NCAM1: variants seen among roughly 807,000 people sequenced by gnomAD.
NCAM1 encodes the protein antigen recognized by monoclonal antibody 5.1H11.
In NCAM1, 14 loss-of-function variants were observed where a neutral mutation model predicts 109.8. The observed-to-expected ratio is 0.13, with a 90% CI of 0.08 to 0.20. NCAM1 has a LOEUF of 0.20. Among genes scored for constraint, NCAM1 ranks in the 10% least tolerant of loss-of-function variants. NCAM1 has a pLI of 1.00. For synonymous variants in NCAM1, 418 were observed against 442.9 expected (o/e 0.94, Z 0.70); for missense variants, 774 against 1,109.9 (o/e 0.70, Z 4.30).
At chr11:113,244,654 CGTGTGTGTGTGT>C (rs55798470) in intron 14 of NCAM1, among the ~76,000 whole-genome samples, 8 of 149,762 alleles carry the variant, frequency 5.3e-5, no homozygotes, top group South Asian at 2.1e-4. Flanking sequence ...TGTGTGTGTG[CGTGTGTGTGTGT>C]GTGTGTGTGT....
At chr11:113,211,981 G>T (rs1661672536) in intron 7 of NCAM1, among the ~76,000 whole-genome samples, 1 of 152,166 alleles carries the variant, frequency 6.6e-6, no homozygotes. Flanking sequence ...ACTCATAAGA[G>T]AGGTTAATTA....
chr11:113,174,007 G>C (rs1350198711), intron 1 of NCAM1, among the ~76,000 whole-genome samples: 1 of 151,970 alleles, frequency 6.6e-6, no homozygotes, highest in African/African-American at 2.4e-5. Context: ...TGTTACCTTT[G>C]TCATTGTGTA....
At chr11:113,026,041 C>G (rs576809370) in intron 1 of NCAM1, among the ~76,000 whole-genome samples, 1 of 152,090 alleles carries the variant, frequency 6.6e-6, no homozygotes, top group African/African-American at 2.4e-5. Flanking sequence ...TGCTCAAGAA[C>G]CCTTATTAAG....
chr11:113,243,096 A>G (rs1382855970), intron 14 of NCAM1: 1 of 572,910 alleles, frequency 1.7e-6, no homozygotes, highest in Non-Finnish European at 2.2e-6. Context: ...GCTTTTCCAA[A>G]TCGACTCTCT....
intron 1 of NCAM1, among the ~76,000 whole-genome samples, chr11:113,165,400 C>T (rs966485454): frequency 6.6e-6 from 1 of 152,166 alleles, no homozygotes; most frequent in Non-Finnish European, 1.5e-5. Flanking sequence ...AGTAGACTCA[C>T]TTAGTCTGTT....
At chr11:113,132,603 CATGTGT>C (rs1288212647) in intron 1 of NCAM1, among the ~76,000 whole-genome samples, 3 of 108,664 alleles carry the variant, frequency 2.8e-5, no homozygotes, top group East Asian at 3.1e-4. Context: ...TATTAGGAAG[CATGTGT>C]GTGTGTGTGT....
chr11:113,059,473 C>T (rs541066080), intron 1 of NCAM1, among the ~76,000 whole-genome samples: 20 of 152,298 alleles, frequency 1.3e-4, no homozygotes, highest in African/African-American at 4.3e-4. Context: ...ACTTCCAAGA[C>T]GGTTTCTTCA....
At position 113,121,501 on chromosome 11, in the gene NCAM1, A is replaced by G. The variant is rs1445821292; in HGVS notation, c.53-80878A>G. ...CTCCCAAAGTGTTAAGATTACAGGC[A>G]TGAGCCACTGTGCCTGGCCAACACC... On this transcript the variant is annotated intron_variant, in intron 1 of 19. Coordinates refer to ENST00000316851, the MANE Select transcript of NCAM1 (RefSeq NM_181351.5). Among the ~76,000 whole-genome samples the G allele has an allele frequency of 2.8e-5, 4 of 141,642 alleles. No homozygotes were observed. In the East Asian group the frequency reaches 8.6e-4, roughly 30 times the overall value. 92.9% of individuals were successfully genotyped at this position (141,642 alleles called of 152,430 possible).
At chr11:113,049,484 C>A (rs1458963876) in intron 1 of NCAM1, among the ~76,000 whole-genome samples, 2 of 152,142 alleles carry the variant, frequency 1.3e-5, no homozygotes, top group Non-Finnish European at 2.9e-5. Flanking sequence ...TAATAATTAA[C>A]TATATCTCCC....
At chr11:112,974,129 A>G (rs2134579593) in intron 1 of NCAM1, among the ~76,000 whole-genome samples, 1 of 152,232 alleles carries the variant, frequency 6.6e-6, no homozygotes, top group South Asian at 2.1e-4. Context: ...GAAGTCACTT[A>G]CCTGGCAACC....
At chr11:112,975,835 A>C (rs1026097018) in intron 1 of NCAM1, among the ~76,000 whole-genome samples, 1 of 152,008 alleles carries the variant, frequency 6.6e-6, no homozygotes, top group African/African-American at 2.4e-5. Context: ...TATAAAAAGA[A>C]TATTTTTATT....
intron 1 of NCAM1, among the ~76,000 whole-genome samples, chr11:113,012,930 A>G (rs1263793120): frequency 1.2e-4 from 18 of 152,166 alleles, no homozygotes; most frequent in African/African-American, 4.3e-4. Context: ...TATTTAGGGG[A>G]AAAGGATAAT....
At chr11:113,141,424 G>A (rs1397001133) in intron 1 of NCAM1, among the ~76,000 whole-genome samples, 3 of 152,182 alleles carry the variant, frequency 2.0e-5, no homozygotes, top group Admixed American at 1.3e-4. Flanking sequence ...GAGGTCAGGA[G>A]ATCGAGACCA....
intron 1 of NCAM1, among the ~76,000 whole-genome samples, chr11:113,100,726 TGTG>T (rs2135857714): frequency 6.6e-6 from 1 of 151,818 alleles, no homozygotes; most frequent in African/African-American, 2.4e-5. Flanking sequence ...GGGTAGAAGA[TGTG>T]GGGGGGTGGG....
chr11:113,267,238 T>A (rs1555124512), intron 17 of NCAM1, among the ~76,000 whole-genome samples: 1 of 152,234 alleles, frequency 6.6e-6, no homozygotes, highest in Non-Finnish European at 1.5e-5. Flanking sequence ...AAGTATTCTT[T>A]GAACATTTTC....
intron 1 of NCAM1, among the ~76,000 whole-genome samples, chr11:112,969,977 GA>G (rs1321043941): frequency 2.0e-5 from 3 of 152,104 alleles, no homozygotes; most frequent in Non-Finnish European, 2.9e-5. Context: ...ATGTCTGGGG[GA>G]AAAAAGAGGT....
chr11:113,241,294 C>T (rs1252032017), intron 14 of NCAM1, among the ~76,000 whole-genome samples: 5 of 152,210 alleles, frequency 3.3e-5, no homozygotes, highest in African/African-American at 1.2e-4. Flanking sequence ...AGGCCTGTAG[C>T]TTTCGCTTTA....
chr11:113,059,579 C>T (rs1953844243), intron 1 of NCAM1, among the ~76,000 whole-genome samples: 1 of 152,078 alleles, frequency 6.6e-6, no homozygotes, highest in African/African-American at 2.4e-5. Flanking sequence ...TTCTCACAGC[C>T]TGGGGGTCGC....
intron 15 of NCAM1, among the ~76,000 whole-genome samples, chr11:113,250,104 G>T (rs575992233): frequency 1.3e-5 from 2 of 152,272 alleles, no homozygotes; most frequent in East Asian, 1.9e-4. Flanking sequence ...AAGAGAAAAG[G>T]GTTCAGGGAA....
Sources: gnomAD v4.1 joint callset for allele counts (sites outside exome capture counted in the v4.1 genomes callset) on GRCh38, gnomAD v4.1.1 for gene constraint, MANE v1.5 for transcripts, NCBI Gene and HGNC (gene_info 2026-07-23, HGNC 2026-07-21) for gene names.